The following THSD7A variants were observed in gnomAD, a reference collection of about 807,000 sequenced individuals.
THSD7A encodes the protein thrombospondin type-1 domain-containing protein 7A.
A neutral mutation model predicts 231.3 loss-of-function variants in THSD7A; 96 were observed. The ratio of observed to expected loss-of-function variants is 0.41; its 90% CI spans 0.35 to 0.49. The LOEUF is 0.49. THSD7A is among the 20% of genes least tolerant of loss of function. The pLI, the probability that THSD7A is intolerant of heterozygous loss-of-function variation, is 0.05. For missense variants in THSD7A, 2,290 were observed against 2,070.2 expected (o/e 1.11, Z -2.06); for synonymous variants, 940 against 743.3 (o/e 1.26, Z -4.30).
chr7:11,821,400 CT>C (rs35163025), intron 1 of THSD7A: 134 of 294,372 alleles, frequency 4.6e-4, no homozygotes, highest in African/African-American at 1.5e-3. Context: ...TTTAAAAGCC[CT>C]TTTTTTTTCT....
In THSD7A at chr7:11,770,191, A is replaced by G. The variant is rs1448082358; in HGVS notation, c.190+61566T>C. On this transcript the variant is annotated intron_variant, in intron 1 of 27. Transcript: ENST00000423059. Reference sequence around the variant, plus strand: ...TCAATTCTTAGTTGAATCACCCTCTATTATATTTAAAGATCTATTTAATAA... The same window carrying G: ...TCAATTCTTAGTTGAATCACCCTCTGTTATATTTAAAGATCTATTTAATAA... Among the ~76,000 whole-genome samples the G allele has an allele frequency of 1.2e-4, 18 of 152,210 alleles. No individual in the cohort carries two copies. The East Asian group carries it at 3.1e-3, about 26-fold the overall frequency.
intron 1 of THSD7A, among the ~76,000 whole-genome samples, chr7:11,726,781 G>A (rs1182527333): frequency 6.6e-6 from 1 of 151,938 alleles, no homozygotes; most frequent in Non-Finnish European, 1.5e-5. Flanking sequence ...CACTTACATC[G>A]TCTTCAGTAG....
chr7:11,423,124 T>C (rs889595803), intron 16 of THSD7A, among the ~76,000 whole-genome samples: 5 of 152,276 alleles, frequency 3.3e-5, no homozygotes, highest in Admixed American at 6.5e-5. Flanking sequence ...AGTCCACCTA[T>C]ATTAAGGTCC....
chr7:11,506,493 C>G (rs1356700145), intron 6 of THSD7A, among the ~76,000 whole-genome samples: 1 of 152,166 alleles, frequency 6.6e-6, no homozygotes, highest in Non-Finnish European at 1.5e-5. Flanking sequence ...GTATGTTCTC[C>G]ACTCAGCAGT....
rs181928859 is a variant in THSD7A, at chr7:11,476,522, A to T, written c.2018-1954T>A. On this transcript the variant is annotated intron_variant, in intron 7 of 27. Coordinates refer to ENST00000423059, the MANE Select transcript of THSD7A (RefSeq NM_015204.3). ...AATAGATTATATAATGTTACTCAAG[A>T]TTGTGTAGAAAGCACCAGGTACAGT... 3.1e-3 allele frequency among the ~76,000 whole-genome samples: 476 copies of T among 152,260 alleles called. 1 individual carries two copies. The highest frequency in any genetic ancestry group is 0.011 in the African/African-American group (460 of 41,556).
chr7:11,669,311 T>G (rs1297400291), intron 1 of THSD7A, among the ~76,000 whole-genome samples: 1 of 152,050 alleles, frequency 6.6e-6, no homozygotes, highest in East Asian at 1.9e-4. Context: ...TAAAAATACT[T>G]TTTTTCGGAC....
At chr7:11,386,254 A>G (rs1351353428) in intron 23 of THSD7A, among the ~76,000 whole-genome samples, 1 of 152,196 alleles carries the variant, frequency 6.6e-6, no homozygotes, top group Non-Finnish European at 1.5e-5. Context: ...GCTGAGGCCA[A>G]TGGTGTTCCT....
chr7:11,530,226 C>T (rs12674351), intron 6 of THSD7A, among the ~76,000 whole-genome samples: 39,713 of 151,964 alleles, frequency 0.26, 5,315 homozygotes, highest in Middle Eastern at 0.37. Flanking sequence ...TTTTGCTCCA[C>T]TGTACTGGGA....
chr7:11,721,288 T>G (rs749904626), intron 1 of THSD7A, among the ~76,000 whole-genome samples: 7 of 151,684 alleles, frequency 4.6e-5, no homozygotes, highest in Non-Finnish European at 7.4e-5. Flanking sequence ...TTGGAGGAGG[T>G]GGCTGGTGGA....
intron 4 of THSD7A, among the ~76,000 whole-genome samples, chr7:11,586,601 G>A (rs553520158): frequency 1.3e-5 from 2 of 152,274 alleles, no homozygotes; most frequent in Admixed American, 1.3e-4. Flanking sequence ...GCACCGTAAT[G>A]CATAGCCTTT....
At chr7:11,518,861 G>C (rs1319911353) in intron 6 of THSD7A, among the ~76,000 whole-genome samples, 1 of 152,154 alleles carries the variant, frequency 6.6e-6, no homozygotes, top group African/African-American at 2.4e-5. Context: ...GTTAAGAACA[G>C]AGGATCATAT....
chr7:11,493,495 T>A (rs1168949686), intron 6 of THSD7A, among the ~76,000 whole-genome samples: 1 of 152,098 alleles, frequency 6.6e-6, no homozygotes. Flanking sequence ...TATTCATTTT[T>A]AAAGGTCCCT....
intron 4 of THSD7A, among the ~76,000 whole-genome samples, chr7:11,551,194 C>T (rs1360600157): frequency 6.6e-6 from 1 of 152,018 alleles, no homozygotes; most frequent in African/African-American, 2.4e-5. Flanking sequence ...AAAATCAACT[C>T]AAGATGGAGT....
At chr7:11,599,383 T>G (rs541956612) in intron 2 of THSD7A, among the ~76,000 whole-genome samples, 1 of 152,320 alleles carries the variant, frequency 6.6e-6, no homozygotes, top group East Asian at 1.9e-4. Flanking sequence ...CAATACCAGC[T>G]ACGACCACGT....
At chr7:11,518,310 T>A (rs1397337268) in intron 6 of THSD7A, among the ~76,000 whole-genome samples, 1 of 152,164 alleles carries the variant, frequency 6.6e-6, no homozygotes, top group Non-Finnish European at 1.5e-5. Flanking sequence ...GGAAAGCTTT[T>A]GATTGGGACT....
At chr7:11,420,192 G>T (rs751198171) in intron 16 of THSD7A, among the ~76,000 whole-genome samples, 60 of 152,324 alleles carry the variant, frequency 3.9e-4, no homozygotes, top group Middle Eastern at 3.4e-3. Context: ...AATGTTAGTA[G>T]CCAAGACATG....
intron 1 of THSD7A, among the ~76,000 whole-genome samples, chr7:11,805,688 C>A (rs527921414): frequency 1.8e-4 from 27 of 151,992 alleles, no homozygotes; most frequent in Middle Eastern, 3.6e-3. Context: ...AAAAGAAATA[C>A]GTGATTTCAA....
chr7:11,587,824 A>G (rs1779976903), intron 4 of THSD7A, among the ~76,000 whole-genome samples: 1 of 152,190 alleles, frequency 6.6e-6, no homozygotes. Context: ...TAATAAAGGA[A>G]GTTTACATAA....
intron 1 of THSD7A, among the ~76,000 whole-genome samples, chr7:11,763,495 T>C (rs1394110524): frequency 6.6e-6 from 1 of 152,180 alleles, no homozygotes; most frequent in Non-Finnish European, 1.5e-5. Flanking sequence ...TATATACACA[T>C]CTATATACAC....
Sources: gnomAD v4.1 joint callset for allele counts (sites outside exome capture counted in the v4.1 genomes callset) on GRCh38, gnomAD v4.1.1 for gene constraint, MANE v1.5 for transcripts, NCBI Gene and HGNC (gene_info 2026-07-23, HGNC 2026-07-21) for gene names.